Variants in NDUFAF6 observed in about 807,000 individuals in gnomAD.
The protein encoded by NDUFAF6 is NADH dehydrogenase (ubiquinone) complex I, assembly factor 6.
A neutral mutation model predicts 40.8 loss-of-function variants in NDUFAF6; 45 were observed. That is an observed-to-expected ratio of 1.10 (90% CI 0.87 to 1.42). The LOEUF is 1.42. Among genes scored for constraint, NDUFAF6 ranks in the 40% most tolerant of loss-of-function variants. The pLI is 0.00. For synonymous variants in NDUFAF6, 185 were observed against 155.9 expected, an observed-to-expected ratio of 1.19 and a Z score of -1.39; for missense variants, 435 against 418.5, an observed-to-expected ratio of 1.04 and a Z score of -0.34.
At chr8:95,011,992 T>A (rs887010152) in intron 2 of NDUFAF6, among the ~76,000 whole-genome samples, 2 of 152,210 alleles carry the variant, frequency 1.3e-5, no homozygotes, top group African/African-American at 4.8e-5. Context: ...GGTTCCTAAA[T>A]GTGGAATTTT....
chr8:95,077,084 C>T (rs965193319), downstream of NDUFAF6, among the ~76,000 whole-genome samples: 7 of 152,162 alleles, frequency 4.6e-5, no homozygotes, highest in African/African-American at 1.7e-4. Flanking sequence ...AGACACCTGG[C>T]GAAGATGGCC....
chr8:95,025,951 C>T (rs1306318370), intron 1 of NDUFAF6, among the ~76,000 whole-genome samples: 2 of 152,172 alleles, frequency 1.3e-5, no homozygotes, highest in Non-Finnish European at 2.9e-5. Context: ...CTGCTGAGAC[C>T]AGTGGCTTAG....
intron 1 of NDUFAF6, among the ~76,000 whole-genome samples, chr8:94,935,126 GATATA>G (rs1563725635): frequency 2.5e-4 from 24 of 97,724 alleles, no homozygotes; most frequent in African/African-American, 8.5e-4. Context: ...TAGGTAGATA[GATATA>G]GATAGATAGA....
chr8:94,900,774 A>G (rs1416918357), intron 1 of NDUFAF6, among the ~76,000 whole-genome samples: 1 of 152,178 alleles, frequency 6.6e-6, no homozygotes, highest in Non-Finnish European at 1.5e-5. Context: ...GGAACGGATA[A>G]CTATTGTTAA....
chr8:94,914,788 G>A (rs577692823), intron 1 of NDUFAF6, among the ~76,000 whole-genome samples: 56 of 151,014 alleles, frequency 3.7e-4, no homozygotes, highest in African/African-American at 1.1e-3. Context: ...ATGGTGATGC[G>A]CACCTGTAAT....
At chr8:94,952,124 G>A (rs1586782718) in intron 2 of NDUFAF6, among the ~76,000 whole-genome samples, 1 of 152,116 alleles carries the variant, frequency 6.6e-6, no homozygotes, top group South Asian at 2.1e-4. Flanking sequence ...AGCTCAATAC[G>A]CTCCCTTATC....
intron 1 of NDUFAF6, among the ~76,000 whole-genome samples, chr8:94,965,926 G>A (rs919262440): frequency 1.3e-5 from 2 of 152,170 alleles, no homozygotes; most frequent in African/African-American, 4.8e-5. Flanking sequence ...TCATTTCAGA[G>A]ATAAGAAAAC....
chr8:95,034,538 G>A (rs1341073707), intron 2 of NDUFAF6: 1 of 153,762 alleles, frequency 6.5e-6, no homozygotes, highest in Non-Finnish European at 1.4e-5. Context: ...TTTGCGTTTT[G>A]TGACATTGAC....
intron 1 of NDUFAF6, among the ~76,000 whole-genome samples, chr8:94,912,437 CATT>C (rs1385099453): frequency 6.6e-6 from 1 of 152,136 alleles, no homozygotes; most frequent in Admixed American, 6.5e-5. Flanking sequence ...TATGATAAAG[CATT>C]AATATTTCTG....
intron 8 of NDUFAF6, among the ~76,000 whole-genome samples, chr8:95,057,571 TATGAGCAG>T (rs1297789601): frequency 6.6e-6 from 1 of 152,256 alleles, no homozygotes; most frequent in East Asian, 1.9e-4. Flanking sequence ...CTTTTTATAT[TATGAGCAG>T]AAGAGGCTTG....
upstream of NDUFAF6, among the ~76,000 whole-genome samples, chr8:95,099,099 G>C (rs1195325149): frequency 6.6e-6 from 1 of 152,034 alleles, no homozygotes; most frequent in Non-Finnish European, 1.5e-5. Context: ...AATTAGCTGG[G>C]CGTGGTGGCA....
chr8:95,109,587 TAG>T (rs71695882), intron 4 of NDUFAF6, among the ~76,000 whole-genome samples: 77 of 142,206 alleles, frequency 5.4e-4, no homozygotes, highest in Middle Eastern at 3.6e-3. Context: ...GATAGATAGA[TAG>T]AGAGAGAGAG....
intron 1 of NDUFAF6, among the ~76,000 whole-genome samples, chr8:94,919,980 A>G (rs1250820983): frequency 6.6e-6 from 1 of 152,096 alleles, no homozygotes; most frequent in Non-Finnish European, 1.5e-5. Flanking sequence ...TTTTTTTAAC[A>G]TAGAATTTCC....
chr8:95,095,616 C>A (rs1809433765), upstream of NDUFAF6, among the ~76,000 whole-genome samples: 1 of 152,078 alleles, frequency 6.6e-6, no homozygotes, highest in East Asian at 1.9e-4. Context: ...TCACTCCACC[C>A]CCATTAGCCA....
rs1832411931 is a variant in NDUFAF6, at chr8:95,058,013, G to C, written c.*76G>C. 6.6e-7 allele frequency: 1 copy of C among 1,521,254 alleles called. No individual in the cohort carries two copies. The highest frequency in any genetic ancestry group is 8.9e-7 in the Non-Finnish European group (1 of 1,128,184). 94.2% of individuals were successfully genotyped at this position (1,521,254 alleles called of 1,614,324 possible). A position where few individuals can be genotyped will look rare whatever the true frequency, so the allele number is the denominator to read the frequency against. On this transcript the variant is annotated 3_prime_UTR_variant, in exon 9 of 9. Coordinates refer to ENST00000396124, the MANE Select transcript of NDUFAF6 (RefSeq NM_152416.4). ...TTAGGATTCTTATTTAGGAACAACA[G>C]GAAATGACTGTTAAGGAGAAAATGA...
chr8:95,005,809 C>T (rs551529666), intron 2 of NDUFAF6, among the ~76,000 whole-genome samples: 1 of 151,578 alleles, frequency 6.6e-6, no homozygotes, highest in South Asian at 2.1e-4. Context: ...ATGTCTCCAC[C>T]CCAACTGGAC....
At chr8:94,896,651 G>T (rs1016925384) in intron 1 of NDUFAF6, 4 of 152,078 alleles carry the variant, frequency 2.6e-5, no homozygotes, top group African/African-American at 9.7e-5. Context: ...CGGCGAGCGG[G>T]CCGCGCCGGG....
chr8:95,081,612 A>G (rs987716608), intron 2 of NDUFAF6, among the ~76,000 whole-genome samples: 1 of 152,232 alleles, frequency 6.6e-6, no homozygotes, highest in Non-Finnish European at 1.5e-5. Context: ...ACGGACTCCG[A>G]TAATACTCAA....
chr8:94,908,096 T>C (rs181153575), intron 1 of NDUFAF6, among the ~76,000 whole-genome samples: 31 of 152,352 alleles, frequency 2.0e-4, no homozygotes, highest in Non-Finnish European at 2.5e-4. Context: ...GAAAGGACAT[T>C]TTCAAGTCTA....
Sources: gnomAD v4.1 joint callset for allele counts (sites outside exome capture counted in the v4.1 genomes callset) on GRCh38, gnomAD v4.1.1 for gene constraint, MANE v1.5 for transcripts, NCBI Gene and HGNC (gene_info 2026-07-23, HGNC 2026-07-21) for gene names.